Variants in OPHN1 observed in about 807,000 individuals in gnomAD.
The protein encoded by OPHN1 is oligophrenin-1.
In OPHN1, 11 loss-of-function variants were observed where a neutral mutation model predicts 60.7. That is an observed-to-expected ratio of 0.18 (90% CI 0.11 to 0.30). OPHN1 has a LOEUF of 0.30. Ranked by LOEUF, OPHN1 falls within the 10% of genes least tolerant of loss-of-function variation. OPHN1 has a pLI of 1.00. For missense variants in OPHN1, 449 were observed against 611.0 expected (o/e 0.73, Z 2.80); for synonymous variants, 226 against 222.6 (o/e 1.02, Z -0.14).
chrX:68,190,300 C>T (rs1053240051), intron 15 of OPHN1, among the ~76,000 whole-genome samples: 3 of 112,272 alleles, frequency 2.7e-5, no homozygotes, highest in African/African-American at 9.7e-5. Context: ...CTTTTCAATC[C>T]ACTGCCCTAA....
chrX:68,139,036 G>A (rs2077231951), intron 15 of OPHN1, among the ~76,000 whole-genome samples: 1 of 111,652 alleles, frequency 9.0e-6, no homozygotes, highest in South Asian at 3.7e-4. Context: ...AAATACCAAT[G>A]TATAGAAAAA....
intron 2 of OPHN1, among the ~76,000 whole-genome samples, chrX:68,313,024 A>G (rs2078181324): frequency 9.0e-6 from 1 of 111,027 alleles, no homozygotes. Flanking sequence ...GTATTACGTG[A>G]GCCCAGGAGC....
At chrX:68,359,296 C>T (rs1303474980) in intron 2 of OPHN1, among the ~76,000 whole-genome samples, 3 of 111,312 alleles carry the variant, frequency 2.7e-5, no homozygotes, top group South Asian at 3.7e-4. Context: ...AAATTATTTA[C>T]AATAACTACA....
chrX:68,244,451 A>G (rs778771968), intron 5 of OPHN1, among the ~76,000 whole-genome samples: 2 of 112,477 alleles, frequency 1.8e-5, no homozygotes, highest in South Asian at 7.4e-4. Flanking sequence ...TGTAAGGTCT[A>G]CATAAGCAGA....
chrX:68,390,189 A>G (rs1473600318), intron 2 of OPHN1, among the ~76,000 whole-genome samples: 3 of 111,843 alleles, frequency 2.7e-5, no homozygotes, highest in Non-Finnish European at 1.9e-5. Context: ...TATGGGAACT[A>G]TAATTCAAGA....
intron 2 of OPHN1, among the ~76,000 whole-genome samples, chrX:68,344,678 C>T (rs2147695946): frequency 9.0e-6 from 1 of 111,097 alleles, no homozygotes; most frequent in Non-Finnish European, 1.9e-5. Flanking sequence ...AGTTCAAGAT[C>T]AGCCTGGGCA....
At chrX:68,235,675 TAAAAATACAAAAAAAAA>T (rs2077749414) in intron 5 of OPHN1, among the ~76,000 whole-genome samples, 1 of 89,087 alleles carries the variant, frequency 1.1e-5, no homozygotes, top group Admixed American at 1.3e-4. Context: ...CCATCTCTAC[TAAAAATACAAAAAAAAA>T]AAAAAGAGAA....
At chrX:68,238,021 A>C (rs993749143) in intron 5 of OPHN1, among the ~76,000 whole-genome samples, 6 of 111,791 alleles carry the variant, frequency 5.4e-5, no homozygotes, top group Non-Finnish European at 1.1e-4. Flanking sequence ...CAGGTTGAAG[A>C]AGTTCCCTTG....
At position 68,073,133 on chromosome X, in the gene OPHN1, G is replaced by A; in HGVS notation, c.1834+19C>T. On this transcript the variant is annotated intron_variant, in intron 20 of 24. Coordinates refer to ENST00000355520, the MANE Select transcript of OPHN1 (RefSeq NM_002547.3). ...GTCTAATCACCATTCAGAAGCTAAA[G>A]GTGAACCTCAGTACTGACCTTCGCT... 1 of 1,200,870 alleles carries A rather than the reference G, an allele frequency of 8.3e-7. No homozygotes were observed. Among genetic ancestry groups the A allele is most frequent in the South Asian group, 1.8e-5 (1 of 55,308 alleles).
intron 15 of OPHN1, among the ~76,000 whole-genome samples, chrX:68,164,732 A>G (rs1569229968): frequency 8.9e-6 from 1 of 111,870 alleles, no homozygotes; most frequent in Admixed American, 9.5e-5. Context: ...CTGCCCTTTG[A>G]AGCCAGGCAT....
Position 68,042,797 on chromosome X carries a change from G to C in OPHN1, c.*4375C>G, listed in dbSNP as rs768740322. On this transcript the variant is annotated 3_prime_UTR_variant, in exon 25 of 25. Coordinates refer to ENST00000355520, the MANE Select transcript of OPHN1 (RefSeq NM_002547.3). Reference sequence around the variant, plus strand: ...TGGACTGTAAACTAGTTCAACCATTGTGGAAGTCAGTGTGGCGATTCCTCA... The same window carrying C: ...TGGACTGTAAACTAGTTCAACCATTCTGGAAGTCAGTGTGGCGATTCCTCA... 4.1e-5 allele frequency: 3 copies of C among 72,465 alleles called. No homozygotes were observed. Among genetic ancestry groups the C allele is most frequent in the Non-Finnish European group, 7.7e-5 (3 of 38,717 alleles). The allele number at this position is 72,465 out of a possible 1,213,427, so 6.0% of individuals were successfully genotyped here.
At chrX:68,352,593 ATTCACT>A (rs1346502970) in intron 2 of OPHN1, among the ~76,000 whole-genome samples, 1 of 111,798 alleles carries the variant, frequency 8.9e-6, no homozygotes, top group East Asian at 2.8e-4. Context: ...ATGGGAAAAC[ATTCACT>A]TATTAAAATA....
intron 2 of OPHN1, among the ~76,000 whole-genome samples, chrX:68,334,300 G>T (rs1415441836): frequency 8.9e-6 from 1 of 112,109 alleles, no homozygotes. Context: ...GTACAATCCA[G>T]TAAGGAAGTA....
At chrX:68,289,962 T>G (rs1312870558) in intron 3 of OPHN1, among the ~76,000 whole-genome samples, 1 of 111,472 alleles carries the variant, frequency 9.0e-6, no homozygotes, top group Non-Finnish European at 1.9e-5. Flanking sequence ...ATGCAACAAT[T>G]GTACACAAGT....
chrX:68,302,260 G>T (rs1432200094), intron 2 of OPHN1, among the ~76,000 whole-genome samples: 1 of 112,133 alleles, frequency 8.9e-6, no homozygotes, highest in African/African-American at 3.2e-5. Context: ...TGGTAAATTG[G>T]TAAGTATACA....
At chrX:68,203,548 A>C (rs1053764217) in intron 10 of OPHN1, among the ~76,000 whole-genome samples, 2 of 111,405 alleles carry the variant, frequency 1.8e-5, no homozygotes, top group African/African-American at 6.5e-5. Context: ...GTCACACATT[A>C]GTCTTTCAAA....
At chrX:68,219,809 A>G (rs1408038965) in intron 6 of OPHN1, among the ~76,000 whole-genome samples, 4 of 103,277 alleles carry the variant, frequency 3.9e-5, no homozygotes, top group Admixed American at 1.1e-4. Context: ...ATAGCACTAA[A>G]TGCCCACAAG....
rs375727555 is a variant in OPHN1 at position 68,303,862 on chromosome X, T to C, written c.155-4766A>G. Among the ~76,000 whole-genome samples, 45 of 110,376 alleles carry C rather than the reference T, an allele frequency of 4.1e-4. 1 individual carries two copies. The East Asian group carries it at 8.6e-3, about 21-fold the overall frequency. ...AAGTTGATCTCATAGAAGTAGAGAA[T>C]AGAGTAGTGGTTACTAGAGGCTTGG... On this transcript the variant is annotated intron_variant, in intron 2 of 24. Transcript: ENST00000355520.
chrX:68,284,858 C>T (rs1400327659), intron 3 of OPHN1, among the ~76,000 whole-genome samples: 8 of 111,926 alleles, frequency 7.1e-5, no homozygotes, highest in Admixed American at 5.7e-4. Flanking sequence ...TGTGAATGTA[C>T]GTACATATGA....
Sources: allele counts gnomAD v4.1 joint callset (sites outside exome capture counted in the v4.1 genomes callset), GRCh38; gene constraint gnomAD v4.1.1; transcripts MANE v1.5; gene names NCBI Gene and HGNC (gene_info 2026-07-23, HGNC 2026-07-21).